Variants in RAP1GDS1 observed in about 807,000 individuals in gnomAD.
RAP1GDS1 encodes RAP1, GTP-GDP dissociation stimulator 1.
In RAP1GDS1, 35 loss-of-function variants were observed where a neutral mutation model predicts 71.1. The ratio of observed to expected loss-of-function variants is 0.49; its 90% confidence interval spans 0.38 to 0.65. The LOEUF (loss-of-function observed/expected upper bound fraction) is 0.65, where lower values mean the gene tolerates loss of function less well. RAP1GDS1 is among the 30% of genes least tolerant of loss of function. RAP1GDS1 has a pLI of 0.00. For missense variants in RAP1GDS1, 663 were observed against 706.1 expected, an observed-to-expected ratio of 0.94 and a Z score of 0.69; for synonymous variants, 229 against 243.1, an observed-to-expected ratio of 0.94 and a Z score of 0.54.
intron 2 of RAP1GDS1, among the ~76,000 whole-genome samples, chr4:98,304,828 T>G (rs1412091504): frequency 2.6e-5 from 4 of 152,170 alleles, no homozygotes; most frequent in Non-Finnish European, 4.4e-5. Context: ...AGTTTGGGGT[T>G]TTACATTTTT....
At chr4:98,376,044 A>C (rs1741137897) in intron 4 of RAP1GDS1, among the ~76,000 whole-genome samples, 1 of 152,076 alleles carries the variant, frequency 6.6e-6, no homozygotes, top group Non-Finnish European at 1.5e-5. Context: ...GAAGTGCAGT[A>C]ACTCTTTAGA....
intron 6 of RAP1GDS1, among the ~76,000 whole-genome samples, chr4:98,399,715 C>G (rs187794734): frequency 6.6e-6 from 1 of 152,102 alleles, no homozygotes; most frequent in South Asian, 2.1e-4. Flanking sequence ...AAATGCAAAT[C>G]GAAACCACAA....
At chr4:98,288,255 C>T (rs150717510) in intron 1 of RAP1GDS1, among the ~76,000 whole-genome samples, 2,954 of 152,174 alleles carry the variant, frequency 0.019, 104 homozygotes, top group African/African-American at 0.068. Context: ...GTGTTCAGTT[C>T]CCACCTATGA....
At chr4:98,374,867 C>T (rs1740934369) in intron 4 of RAP1GDS1, among the ~76,000 whole-genome samples, 1 of 152,094 alleles carries the variant, frequency 6.6e-6, no homozygotes, top group Admixed American at 6.6e-5. Flanking sequence ...TTGCTCCTCT[C>T]CCAGTGGTAA....
intron 5 of RAP1GDS1, among the ~76,000 whole-genome samples, chr4:98,390,877 T>C (rs1389453264): frequency 6.6e-6 from 1 of 151,958 alleles, no homozygotes; most frequent in African/African-American, 2.4e-5. Context: ...AGCTTGAAAA[T>C]GGCATATCAT....
chr4:98,288,466 A>G (rs960089272), intron 1 of RAP1GDS1, among the ~76,000 whole-genome samples: 3 of 152,022 alleles, frequency 2.0e-5, no homozygotes, highest in East Asian at 1.9e-4. Context: ...AGTCTTTGCT[A>G]TTGTGAATAG....
intron 2 of RAP1GDS1, among the ~76,000 whole-genome samples, chr4:98,299,140 G>T (rs1728207454): frequency 6.6e-6 from 1 of 152,250 alleles, no homozygotes; most frequent in East Asian, 1.9e-4. Context: ...TCCCACCTAT[G>T]AGTGAGAACA....
intron 5 of RAP1GDS1, among the ~76,000 whole-genome samples, chr4:98,385,345 G>T (rs181448534): frequency 3.3e-5 from 5 of 151,756 alleles, no homozygotes; most frequent in Non-Finnish European, 5.9e-5. Context: ...GAAATATGAT[G>T]ATATGAGGCA....
intron 2 of RAP1GDS1, among the ~76,000 whole-genome samples, chr4:98,304,483 A>G (rs577493764): frequency 6.6e-6 from 1 of 152,260 alleles, no homozygotes; most frequent in South Asian, 2.1e-4. Context: ...TGTTGGCCGC[A>G]TAAGTGTCTT....
intron 14 of RAP1GDS1, 77 bp downstream of exon 14, chr4:98,437,145 G>A: frequency 7.4e-7 from 1 of 1,358,368 alleles, no homozygotes; most frequent in East Asian, 2.7e-5. Context: ...AATAGTAAAT[G>A]ATGGTTTTGG....
At chr4:98,354,900 A>G (rs924438832) in intron 4 of RAP1GDS1, among the ~76,000 whole-genome samples, 3 of 152,314 alleles carry the variant, frequency 2.0e-5, no homozygotes, top group South Asian at 4.1e-4. Flanking sequence ...ATTACTTAAT[A>G]TAAATCATGT....
rs553505988 is a variant in RAP1GDS1 at position 98,365,923 on chromosome 4, A to G, written c.362-13094A>G. ...TCATGTCCATGAGCAGCCAAAAAGAAGTCTTTAGTGACCAGAGAAACCTTA... is the reference window on the plus strand; with the variant it reads ...TCATGTCCATGAGCAGCCAAAAAGAGGTCTTTAGTGACCAGAGAAACCTTA... On this transcript the variant is annotated intron_variant, in intron 4 of 14. Coordinates refer to ENST00000408927, the MANE Select transcript of RAP1GDS1 (RefSeq NM_001100427.2). Among the ~76,000 whole-genome samples the G allele has an allele frequency of 3.9e-5, 6 of 152,332 alleles. 1 individual carries two copies. Among genetic ancestry groups the G allele is most frequent in the African/African-American group, 1.4e-4 (6 of 41,574 alleles).
rs536865709 is a variant in RAP1GDS1, at chr4:98,281,980, G to A, written c.5-11428G>A. Among the ~76,000 whole-genome samples the A allele has an allele frequency of 2.0e-5, 3 of 152,260 alleles. No homozygotes were observed. The East Asian group carries it at 5.8e-4, about 29-fold the overall frequency. ...AAGCCAAGTTGATCGTGGTAGGTAA[G>A]CTTTTTGATGTGCTGCTGGATTCGG... On this transcript the variant is annotated intron_variant, in intron 1 of 14. Coordinates refer to ENST00000408927, the MANE Select transcript of RAP1GDS1 (RefSeq NM_001100427.2).
At chr4:98,289,572 A>AAAAG (rs1475345159) in intron 1 of RAP1GDS1, among the ~76,000 whole-genome samples, 37 of 148,250 alleles carry the variant, frequency 2.5e-4, no homozygotes, top group South Asian at 6.3e-4. Flanking sequence ...AAAAAAAAAA[A>AAAAG]AAAGAAAGAA....
chr4:98,283,817 A>ATT (rs10582639), intron 1 of RAP1GDS1, among the ~76,000 whole-genome samples: 33 of 133,960 alleles, frequency 2.5e-4, no homozygotes, highest in East Asian at 6.5e-4. Context: ...TTTCATTGTG[A>ATT]TTTTTTTTTT....
At chr4:98,415,033 A>G (rs1205895010) in intron 7 of RAP1GDS1, among the ~76,000 whole-genome samples, 1 of 152,162 alleles carries the variant, frequency 6.6e-6, no homozygotes, top group African/African-American at 2.4e-5. Context: ...TTGTTGGTGT[A>G]TAAGAATGCT....
At chr4:98,262,111 A>G (rs1553954986) in intron 1 of RAP1GDS1, among the ~76,000 whole-genome samples, 1 of 152,242 alleles carries the variant, frequency 6.6e-6, no homozygotes, top group Non-Finnish European at 1.5e-5. Context: ...TTATTTTCCA[A>G]GGGGGAGAGC....
At chr4:98,354,022 T>G (rs1218138921) in intron 4 of RAP1GDS1, among the ~76,000 whole-genome samples, 5 of 152,046 alleles carry the variant, frequency 3.3e-5, no homozygotes, top group Non-Finnish European at 7.4e-5. Flanking sequence ...TTTTCTGTGT[T>G]TGTTACTGGA....
intron 7 of RAP1GDS1, among the ~76,000 whole-genome samples, chr4:98,407,578 T>C (rs1746318949): frequency 6.6e-6 from 1 of 152,030 alleles, no homozygotes; most frequent in African/African-American, 2.4e-5. Flanking sequence ...TAATTCTAAG[T>C]GAAGTAACCA....
Sources: gnomAD v4.1 joint callset for allele counts (sites outside exome capture counted in the v4.1 genomes callset) on GRCh38, gnomAD v4.1.1 for gene constraint, MANE v1.5 for transcripts, NCBI Gene and HGNC (gene_info 2026-07-23, HGNC 2026-07-21) for gene names.